Variants in ZBTB20 observed in about 807,000 individuals in gnomAD.
ZBTB20 encodes the protein zinc finger and BTB domain containing 20, also known as zinc finger and BTB domain-containing protein 20.
Under a neutral mutation model 56.9 loss-of-function variants are expected in ZBTB20, and 9 were observed. The ratio of observed to expected loss-of-function variants is 0.16; its 90% CI spans 0.10 to 0.28. The LOEUF (loss-of-function observed/expected upper bound fraction) is 0.28. ZBTB20 is among the 10% of genes least tolerant of loss of function. ZBTB20 has a pLI of 1.00. For synonymous variants in ZBTB20, 417 were observed against 420.7 expected, an observed-to-expected ratio of 0.99 and a Z score of 0.11; for missense variants, 655 against 1,003.0, an observed-to-expected ratio of 0.65 and a Z score of 4.69.
chr3:114,977,046 T>C (rs2078131528), intron 2 of ZBTB20, among the ~76,000 whole-genome samples: 1 of 152,056 alleles, frequency 6.6e-6, no homozygotes, highest in Admixed American at 6.6e-5. Flanking sequence ...ATATATTAAA[T>C]GGCTAGGGCC....
At chr3:114,915,019 TTTTC>T (rs1464631518) in intron 3 of ZBTB20, among the ~76,000 whole-genome samples, 7 of 151,370 alleles carry the variant, frequency 4.6e-5, no homozygotes, top group Admixed American at 2.0e-4. Context: ...TGGCCTGTGG[TTTTC>T]TTTGTTTTCT....
chr3:114,691,096 G>A (rs2062673906), intron 6 of ZBTB20, among the ~76,000 whole-genome samples: 1 of 152,132 alleles, frequency 6.6e-6, no homozygotes, highest in Non-Finnish European at 1.5e-5. Context: ...AAATTGCCCT[G>A]TGGCTTACAG....
intron 7 of ZBTB20, among the ~76,000 whole-genome samples, chr3:114,419,952 G>A (rs908895028): frequency 6.6e-6 from 1 of 152,116 alleles, no homozygotes; most frequent in African/African-American, 2.4e-5. Context: ...GGCCCAGATC[G>A]CTCTCTGAGT....
At chr3:114,997,089 T>A (rs1354109390) in intron 2 of ZBTB20, among the ~76,000 whole-genome samples, 1 of 151,814 alleles carries the variant, frequency 6.6e-6, no homozygotes, top group Admixed American at 6.6e-5. Context: ...TCCTCAAGAA[T>A]GGTGAGAAAT....
At chr3:114,544,497 CT>C (rs1559938551) in intron 6 of ZBTB20, among the ~76,000 whole-genome samples, 21 of 94,304 alleles carry the variant, frequency 2.2e-4, no homozygotes, top group Admixed American at 4.3e-4. Flanking sequence ...CACTTTCTTT[CT>C]TTTCTTTCTT....
chr3:114,877,095 C>G (rs971750379), intron 4 of ZBTB20, among the ~76,000 whole-genome samples: 1 of 152,158 alleles, frequency 6.6e-6, no homozygotes, highest in Admixed American at 6.5e-5. Context: ...ATTTTTTTCA[C>G]TAGGCATTTA....
chr3:115,073,348 T>C (rs185935386), intron 1 of ZBTB20, among the ~76,000 whole-genome samples: 2 of 152,202 alleles, frequency 1.3e-5, no homozygotes, highest in African/African-American at 2.4e-5. Context: ...TTTTAACTTT[T>C]CAAATGGCTA....
chr3:114,614,541 T>G (rs1482240248), intron 6 of ZBTB20, among the ~76,000 whole-genome samples: 2 of 152,188 alleles, frequency 1.3e-5, no homozygotes, highest in Non-Finnish European at 2.9e-5. Context: ...AAAAATCCCA[T>G]TATTACTGAG....
chr3:114,546,418 A>G (rs2049886511), intron 6 of ZBTB20, among the ~76,000 whole-genome samples: 1 of 152,160 alleles, frequency 6.6e-6, no homozygotes, highest in African/African-American at 2.4e-5. Context: ...GGTAGAACAC[A>G]TCTGAGACCT....
intron 3 of ZBTB20, among the ~76,000 whole-genome samples, chr3:114,954,287 G>T (rs190906183): frequency 8.9e-4 from 135 of 152,134 alleles, no homozygotes; most frequent in Middle Eastern, 3.4e-3. Context: ...TCAAAAATCA[G>T]AAAGTGGCCC....
At chr3:114,966,291 T>C (rs1299918491) in intron 3 of ZBTB20, among the ~76,000 whole-genome samples, 1 of 151,966 alleles carries the variant, frequency 6.6e-6, no homozygotes, top group Non-Finnish European at 1.5e-5. Context: ...GGAAATTAGG[T>C]AGATAAAAAC....
intron 7 of ZBTB20, among the ~76,000 whole-genome samples, chr3:114,494,113 GC>G (rs1384723343): frequency 1.1e-4 from 17 of 152,182 alleles, no homozygotes; most frequent in African/African-American, 3.4e-4. Context: ...AAATCAGATA[GC>G]CATGAAAAGT....
intron 4 of ZBTB20, among the ~76,000 whole-genome samples, chr3:114,842,487 G>A (rs949170314): frequency 3.3e-5 from 5 of 152,154 alleles, no homozygotes; most frequent in Admixed American, 3.3e-4. Flanking sequence ...AAATTAACAA[G>A]CCACACCAAG....
chr3:114,840,003 G>A (rs1334255891), intron 4 of ZBTB20, among the ~76,000 whole-genome samples: 3 of 152,094 alleles, frequency 2.0e-5, no homozygotes, highest in Non-Finnish European at 4.4e-5. Flanking sequence ...ATTTCTAATG[G>A]CAACCCTAGT....
chr3:114,754,634 T>C (rs1021134307), intron 5 of ZBTB20, among the ~76,000 whole-genome samples: 3 of 152,182 alleles, frequency 2.0e-5, no homozygotes, highest in Non-Finnish European at 4.4e-5. Context: ...GTTATGAGTT[T>C]TTTTCAGACA....
rs1167318474 is a variant in ZBTB20 at position 114,317,637 on chromosome 3, C to A, written c.*21368G>T. 2 of 152,182 alleles carry A rather than the reference C, an allele frequency of 1.3e-5. No individual in the cohort carries two copies. Among genetic ancestry groups the A allele is most frequent in the African/African-American group, 4.8e-5 (2 of 41,436 alleles). 9.4% of individuals were successfully genotyped at this position (152,182 alleles called of 1,614,324 possible). On this transcript the variant is annotated 3_prime_UTR_variant, in exon 12 of 12. Transcript: ENST00000675478. The stretch of plus-strand genomic sequence containing the variant: ...GGAATGTGTTAAACAAAAGTTACTT[C>A]TCAAACGATGCCCAAATCTTCCACT...
chr3:114,543,565 A>G (rs971077958), intron 6 of ZBTB20, among the ~76,000 whole-genome samples: 7 of 152,148 alleles, frequency 4.6e-5, no homozygotes, highest in African/African-American at 1.7e-4. Flanking sequence ...TTTCTTAACA[A>G]CAACTAGTAA....
At position 114,321,396 on chromosome 3, in the gene ZBTB20, G is replaced by A. The variant is rs1175198398; in HGVS notation, c.*17609C>T. 1 of 152,224 alleles carries A rather than the reference G, an allele frequency of 6.6e-6. No homozygotes were observed. The highest frequency in any genetic ancestry group is 1.5e-5 in the Non-Finnish European group (1 of 68,084). 9.4% of individuals were successfully genotyped at this position (152,224 alleles called of 1,614,324 possible). On this transcript the variant is annotated 3_prime_UTR_variant, in exon 12 of 12. Coordinates refer to ENST00000675478, the MANE Select transcript of ZBTB20 (RefSeq NM_001348800.3). ...CTCTGAGTAAATATATGTCAGCTCA[G>A]CTCCTGACATGATATCCATGCTTAT... is the stretch of plus-strand genomic sequence containing the variant.
intron 5 of ZBTB20, among the ~76,000 whole-genome samples, chr3:114,726,274 G>GT (rs989823134): frequency 2.6e-5 from 4 of 152,118 alleles, no homozygotes; most frequent in African/African-American, 9.7e-5. Flanking sequence ...GTTAAAAAGT[G>GT]TTTAACGACT....
Sources: allele counts gnomAD v4.1 joint callset (sites outside exome capture counted in the v4.1 genomes callset), GRCh38; gene constraint gnomAD v4.1.1; transcripts MANE v1.5; gene names NCBI Gene and HGNC (gene_info 2026-07-23, HGNC 2026-07-21).